PTPRD: variants seen among roughly 807,000 people sequenced by gnomAD.
PTPRD encodes protein tyrosine phosphatase receptor type D, also known as receptor-type tyrosine-protein phosphatase delta.
A neutral mutation model predicts 214.5 loss-of-function variants in PTPRD; 34 were observed. That is an observed-to-expected ratio of 0.16 (90% CI 0.12 to 0.21). The LOEUF (loss-of-function observed/expected upper bound fraction) is 0.21. Among genes scored for constraint, PTPRD ranks in the 10% least tolerant of loss-of-function variants. The pLI, the probability that PTPRD is intolerant of heterozygous loss-of-function variation, is 1.00. For missense variants in PTPRD, 2,545 were observed against 2,398.7 expected (o/e 1.06, Z -1.27); for synonymous variants, 1,128 against 845.7 (o/e 1.33, Z -5.79).
chr9:8,626,513 G>A (rs1369405028), intron 14 of PTPRD, among the ~76,000 whole-genome samples: 1 of 151,810 alleles, frequency 6.6e-6, no homozygotes, highest in Non-Finnish European at 1.5e-5. Flanking sequence ...TATCTGGGGT[G>A]CTCAAATATT....
At chr9:9,359,267 C>T (rs2055056227) in intron 9 of PTPRD, among the ~76,000 whole-genome samples, 1 of 151,192 alleles carries the variant, frequency 6.6e-6, no homozygotes, top group Admixed American at 6.6e-5. Context: ...CTGCATTAGT[C>T]TAAATGTGGC....
At chr9:10,545,928 A>C (rs2060077535) in intron 2 of PTPRD, among the ~76,000 whole-genome samples, 1 of 152,164 alleles carries the variant, frequency 6.6e-6, no homozygotes, top group African/African-American at 2.4e-5. Flanking sequence ...TTAGGCTGGC[A>C]TATTATAATA....
At chr9:10,074,484 A>G (rs1373827433) in intron 3 of PTPRD, among the ~76,000 whole-genome samples, 1 of 152,100 alleles carries the variant, frequency 6.6e-6, no homozygotes, top group Non-Finnish European at 1.5e-5. Flanking sequence ...GAGGAGTAGT[A>G]TTTATTATTT....
At chr9:9,227,351 C>G (rs972703773) in intron 9 of PTPRD, among the ~76,000 whole-genome samples, 1 of 152,098 alleles carries the variant, frequency 6.6e-6, no homozygotes. Context: ...TTTTTCTCCT[C>G]TAATGTGAAA....
At chr9:9,505,808 AACAATCAATTTTTAGGATATGCTTAACT>A (rs2096557014) in intron 8 of PTPRD, among the ~76,000 whole-genome samples, 1 of 151,522 alleles carries the variant, frequency 6.6e-6, no homozygotes, top group Admixed American at 6.6e-5. Flanking sequence ...GATCCCAAGG[AACAATCAATTTTTAGGATATGCTTAACT>A]ACTTCGTTTT....
rs150894605 is a variant in PTPRD at position 10,073,360 on chromosome 9, A to C, written c.-544-39570T>G. On this transcript the variant is annotated intron_variant, in intron 3 of 45. Coordinates refer to ENST00000381196, the MANE Select transcript of PTPRD (RefSeq NM_002839.4). Reference sequence around the variant, plus strand: ...AAATGAATGTTGTCTCTAAAACTAAAAGCAAAGGAAATTTCACATAAATAC... The same window carrying C: ...AAATGAATGTTGTCTCTAAAACTAACAGCAAAGGAAATTTCACATAAATAC... Among the ~76,000 whole-genome samples the C allele has an allele frequency of 2.7e-3, 417 of 152,174 alleles. 4 individuals carry two copies. Among genetic ancestry groups the C allele is most frequent in the African/African-American group, 9.5e-3 (395 of 41,552 alleles).
chr9:9,985,827 G>C (rs1241303021), intron 4 of PTPRD, among the ~76,000 whole-genome samples: 2 of 151,744 alleles, frequency 1.3e-5, no homozygotes, highest in African/African-American at 4.8e-5. Context: ...ATATTTGAAA[G>C]AACACTATTG....
intron 3 of PTPRD, among the ~76,000 whole-genome samples, chr9:10,076,431 C>T (rs1567523286): frequency 6.6e-6 from 1 of 152,114 alleles, no homozygotes; most frequent in Admixed American, 6.6e-5. Flanking sequence ...TACTAGGCAT[C>T]ATTGCTTATT....
At chr9:8,861,025 C>T (rs992562118) in intron 11 of PTPRD, 2 of 151,940 alleles carry the variant, frequency 1.3e-5, no homozygotes, top group African/African-American at 2.4e-5. Flanking sequence ...ACATTTTCTT[C>T]GTTTCCTTCC....
chr9:8,531,981 AG>A (rs1471924438), intron 14 of PTPRD, among the ~76,000 whole-genome samples: 3 of 152,058 alleles, frequency 2.0e-5, no homozygotes, highest in African/African-American at 7.2e-5. Flanking sequence ...AACACTCCAG[AG>A]CCCCCTTTTC....
intron 7 of PTPRD, among the ~76,000 whole-genome samples, chr9:9,609,919 G>C (rs2094428023): frequency 6.6e-6 from 1 of 152,190 alleles, no homozygotes; most frequent in South Asian, 2.1e-4. Context: ...AGAACATTTA[G>C]GCTAATACTC....
intron 11 of PTPRD, chr9:8,857,724 G>C (rs979115248): frequency 6.4e-6 from 1 of 156,724 alleles, no homozygotes; most frequent in Non-Finnish European, 1.4e-5. Context: ...GCCCCGCCAC[G>C]GCCGCGCCGC....
At chr9:8,519,943 T>G (rs986274345) in intron 20 of PTPRD, among the ~76,000 whole-genome samples, 33 of 152,248 alleles carry the variant, frequency 2.2e-4, no homozygotes, top group African/African-American at 7.7e-4. Flanking sequence ...ATAAAAAAGG[T>G]GATTCAATAT....
chr9:10,602,798 T>C (rs1050977769), intron 2 of PTPRD, among the ~76,000 whole-genome samples: 1 of 151,828 alleles, frequency 6.6e-6, no homozygotes, highest in African/African-American at 2.4e-5. Flanking sequence ...TTACATTTTA[T>C]CTTGCATCAG....
chr9:9,801,878 A>G (rs1352564654), intron 5 of PTPRD, among the ~76,000 whole-genome samples: 3 of 152,048 alleles, frequency 2.0e-5, no homozygotes, highest in Non-Finnish European at 4.4e-5. Context: ...TTGGCACAAA[A>G]CTCAGGCAAG....
At chr9:9,134,664 A>G (rs543134176) in intron 10 of PTPRD, among the ~76,000 whole-genome samples, 43 of 152,268 alleles carry the variant, frequency 2.8e-4, no homozygotes, top group Admixed American at 5.2e-4. Context: ...CTCCCAGGAC[A>G]CTCATGGCTG....
chr9:9,642,334 G>A (rs1019076505), intron 7 of PTPRD, among the ~76,000 whole-genome samples: 1 of 149,606 alleles, frequency 6.7e-6, no homozygotes, highest in Non-Finnish European at 1.5e-5. Context: ...GTTAGTGGGT[G>A]CAGCGCACCA....
chr9:9,632,894 T>C (rs2095637354), intron 7 of PTPRD, among the ~76,000 whole-genome samples: 1 of 152,140 alleles, frequency 6.6e-6, no homozygotes, highest in South Asian at 2.1e-4. Flanking sequence ...TAGGTTTGAA[T>C]GAAGAGAGAG....
intron 7 of PTPRD, among the ~76,000 whole-genome samples, chr9:9,578,027 C>G (rs2089517579): frequency 9.8e-6 from 1 of 102,398 alleles, no homozygotes; most frequent in Non-Finnish European, 1.7e-5. Context: ...GCCTTGGTGA[C>G]AGAGTAAGAC....
Sources: gnomAD v4.1 joint callset for allele counts (sites outside exome capture counted in the v4.1 genomes callset) on GRCh38, gnomAD v4.1.1 for gene constraint, MANE v1.5 for transcripts, NCBI Gene and HGNC (gene_info 2026-07-23, HGNC 2026-07-21) for gene names.